Variants in POU2F1 observed in about 807,000 individuals in gnomAD.
POU2F1 encodes the protein POU domain, class 2, transcription factor 1.
A neutral mutation model predicts 84.9 loss-of-function variants in POU2F1; 16 were observed. That is an observed-to-expected ratio of 0.19 (90% confidence interval 0.13 to 0.29). The LOEUF is 0.29. Ranked by LOEUF, POU2F1 falls within the 10% of genes least tolerant of loss-of-function variation. The pLI, the probability that POU2F1 is intolerant of heterozygous loss-of-function variation, is 1.00. For synonymous variants in POU2F1, 368 were observed against 368.3 expected (o/e 1.00, Z 0.01); for missense variants, 738 against 942.6 (o/e 0.78, Z 2.84).
At chr1:167,389,481 T>C (rs1648227909) in intron 8 of POU2F1, 107 bp from the exon 9 acceptor site, 2 of 1,214,686 alleles carry the variant, frequency 1.6e-6, no homozygotes, top group Non-Finnish European at 1.2e-6. Flanking sequence ...TTACATGGTC[T>C]TCATCGTTAT....
At chr1:167,261,608 T>G (rs1016580540) in intron 1 of POU2F1, among the ~76,000 whole-genome samples, 8 of 152,248 alleles carry the variant, frequency 5.3e-5, no homozygotes, top group Admixed American at 1.3e-4. Flanking sequence ...CTTTGATCTC[T>G]CCACTCAATT....
intron 1 of POU2F1, chr1:167,319,176 C>G (rs894966518): frequency 1.3e-5 from 2 of 155,712 alleles, no homozygotes; most frequent in Non-Finnish European, 2.9e-5. Flanking sequence ...TCCTGGGTAT[C>G]TGGCTCATAG....
At chr1:167,289,797 T>TC (rs1361530194) in intron 1 of POU2F1, among the ~76,000 whole-genome samples, 1 of 152,248 alleles carries the variant, frequency 6.6e-6, no homozygotes, top group African/African-American at 2.4e-5. Context: ...TCTGAGATGT[T>TC]CATTTATTTG....
intron 1 of POU2F1, among the ~76,000 whole-genome samples, chr1:167,293,261 G>C (rs1349568784): frequency 6.6e-6 from 1 of 152,086 alleles, no homozygotes; most frequent in Non-Finnish European, 1.5e-5. Flanking sequence ...TCTTAGATTC[G>C]AGAAACAAAT....
chr1:167,328,929 C>G (rs1265493814), intron 1 of POU2F1: 2 of 638,118 alleles, frequency 3.1e-6, no homozygotes, highest in South Asian at 4.9e-5. Context: ...ACTGATTAAG[C>G]TTCATTATGG....
In POU2F1 at chr1:167,267,630, CTTTTTTTTT is replaced by C. The variant is rs71073658; in HGVS notation, c.61+46689_61+46697del. ...TGTGAAAGTATCACAGTTACTGTGT[CTTTTTTTTT>C]TTTTTTTTTTTTTTTTGAGATGGAG... On this transcript the variant is annotated intron_variant, in intron 1 of 15. Coordinates refer to ENST00000367866, the MANE Select transcript of POU2F1 (RefSeq NM_002697.4). Among the ~76,000 whole-genome samples, 47 of 70,488 alleles carry C rather than the reference CTTTTTTTTT, an allele frequency of 6.7e-4. No homozygotes were observed. In the East Asian group the frequency reaches 0.019, roughly 28 times the overall value. The allele number at this position is 70,488 out of a possible 152,430, so 46.2% of individuals were successfully genotyped here.
intron 1 of POU2F1, among the ~76,000 whole-genome samples, chr1:167,234,658 C>A (rs573371642): frequency 1.3e-5 from 2 of 152,278 alleles, no homozygotes; most frequent in African/African-American, 4.8e-5. Flanking sequence ...CTCTTGAGCC[C>A]AGCAGTTCCA....
At chr1:167,412,684 T>C (rs2101946066) in intron 14 of POU2F1, among the ~76,000 whole-genome samples, 1 of 152,366 alleles carries the variant, frequency 6.6e-6, no homozygotes, top group Non-Finnish European at 1.5e-5. Context: ...GTCTCAATTT[T>C]ATACTGTTAT....
In POU2F1 at chr1:167,238,139, T is replaced by C. The variant is rs144544992; in HGVS notation, c.61+17181T>C. ...ATTTCTCATGTGACCTTTTTTCTGATCCCTTAAATTAAAAAATTTTTTTGA... is the reference window on the plus strand; with the variant it reads ...ATTTCTCATGTGACCTTTTTTCTGACCCCTTAAATTAAAAAATTTTTTTGA... On this transcript the variant is annotated intron_variant, in intron 1 of 15. Coordinates refer to ENST00000367866, the MANE Select transcript of POU2F1 (RefSeq NM_002697.4). 8.1e-4 allele frequency among the ~76,000 whole-genome samples: 123 copies of C among 152,188 alleles called. 1 individual carries two copies. In the East Asian group the frequency reaches 0.022, roughly 27 times the overall value.
At chr1:167,385,201 A>G (rs2101883502) in intron 8 of POU2F1, among the ~76,000 whole-genome samples, 1 of 152,264 alleles carries the variant, frequency 6.6e-6, no homozygotes, top group Middle Eastern at 3.4e-3. Flanking sequence ...ATAAAATAGA[A>G]AGAAGTAATA....
intron 1 of POU2F1, among the ~76,000 whole-genome samples, chr1:167,221,404 C>T (rs1281528148): frequency 6.7e-6 from 1 of 149,076 alleles, no homozygotes; most frequent in Non-Finnish European, 1.5e-5. Context: ...CGCAGTAGGG[C>T]GCGGGCGGGC....
At chr1:167,221,886 C>G (rs967403188) in intron 1 of POU2F1, among the ~76,000 whole-genome samples, 1 of 151,758 alleles carries the variant, frequency 6.6e-6, no homozygotes, top group Non-Finnish European at 1.5e-5. Flanking sequence ...GGGATGTCCT[C>G]TGGGGCGGCC....
At chr1:167,380,717 T>C (rs974325310) in intron 7 of POU2F1, 10 of 152,248 alleles carry the variant, frequency 6.6e-5, no homozygotes, top group Non-Finnish European at 1.2e-4. Flanking sequence ...AGCATGAGAT[T>C]AGCCTTCAAT....
intron 2 of POU2F1, among the ~76,000 whole-genome samples, chr1:167,363,808 G>C (rs191614625): frequency 6.3e-4 from 96 of 152,286 alleles, no homozygotes; most frequent in African/African-American, 2.1e-3. Flanking sequence ...GAAACAAATA[G>C]GGCTCTGCTT....
rs1205912260 is a variant in POU2F1 at position 167,425,553 on chromosome 1, A to G, written c.*9743A>G. ...TTCAGATTTTCCAAAACAAAAGTCAAAAAACCCCATCACCACCATCATCCA... is the reference window on the plus strand; with the variant it reads ...TTCAGATTTTCCAAAACAAAAGTCAGAAAACCCCATCACCACCATCATCCA... On this transcript the variant is annotated 3_prime_UTR_variant, in exon 16 of 16. Transcript: ENST00000367866. 7 of 152,506 alleles carry G rather than the reference A, an allele frequency of 4.6e-5. No individual in the cohort carries two copies. The East Asian group carries it at 9.7e-4, about 21-fold the overall frequency. The allele number at this position is 152,506 out of a possible 1,614,324, so 9.4% of individuals were successfully genotyped here.
chr1:167,405,058 A>G (rs1649475290), intron 13 of POU2F1, among the ~76,000 whole-genome samples: 1 of 152,190 alleles, frequency 6.6e-6, no homozygotes, highest in Admixed American at 6.5e-5. Flanking sequence ...GGTCCTTGGT[A>G]AACATTCTAA....
At chr1:167,255,393 C>G (rs749366014) in intron 1 of POU2F1, among the ~76,000 whole-genome samples, 3 of 151,866 alleles carry the variant, frequency 2.0e-5, no homozygotes, top group Admixed American at 6.6e-5. Flanking sequence ...GCAATGTGAA[C>G]AAAAAGAGAG....
intron 1 of POU2F1, among the ~76,000 whole-genome samples, chr1:167,246,347 T>A (rs1464941641): frequency 6.6e-6 from 1 of 152,236 alleles, no homozygotes; most frequent in East Asian, 1.9e-4. Context: ...CCAGGAGTCT[T>A]AGTGCCAAGT....
At chr1:167,225,867 T>C (rs988771873) in intron 1 of POU2F1, among the ~76,000 whole-genome samples, 1 of 152,226 alleles carries the variant, frequency 6.6e-6, no homozygotes. Context: ...GTTGTAATCT[T>C]TGCATATTAG....
Sources: allele counts gnomAD v4.1 joint callset (sites outside exome capture counted in the v4.1 genomes callset), GRCh38; gene constraint gnomAD v4.1.1; transcripts MANE v1.5; gene names NCBI Gene and HGNC (gene_info 2026-07-23, HGNC 2026-07-21).